VWA8: variants seen among roughly 807,000 people sequenced by gnomAD.
The protein encoded by VWA8 is von Willebrand factor A domain containing 8, also known as von Willebrand factor A domain-containing protein 8.
A neutral mutation model predicts 241.5 loss-of-function variants in VWA8; 221 were observed. The ratio of observed to expected loss-of-function variants is 0.91; its 90% CI spans 0.82 to 1.02. VWA8 has a LOEUF of 1.02. Ranked by LOEUF, VWA8 falls within the 50% of genes least tolerant of loss-of-function variation. VWA8 has a pLI of 0.00. For missense variants in VWA8, 2,322 were observed against 2,328.7 expected (o/e 1.00, Z 0.06); for synonymous variants, 852 against 827.1 (o/e 1.03, Z -0.52).
chr13:41,721,645 T>C (rs945553387), intron 24 of VWA8, 70 bp from the exon 25 acceptor site: 5 of 1,497,448 alleles, frequency 3.3e-6, no homozygotes, highest in African/African-American at 2.8e-5. Flanking sequence ...AAAAATGGAA[T>C]GGTTGTTTAA....
chr13:41,679,788 T>C (rs537230790), intron 35 of VWA8, among the ~76,000 whole-genome samples: 422 of 151,058 alleles, frequency 2.8e-3, no homozygotes, highest in Middle Eastern at 6.8e-3. Flanking sequence ...GAGATCTACA[T>C]GCACATAGAA....
At chr13:41,736,997 C>T (rs1229005938) in intron 21 of VWA8, among the ~76,000 whole-genome samples, 1 of 151,954 alleles carries the variant, frequency 6.6e-6, no homozygotes, top group Non-Finnish European at 1.5e-5. Context: ...GCATGCACCA[C>T]CACACTTGGC....
chr13:41,755,216 A>C (rs1303270294), intron 21 of VWA8, among the ~76,000 whole-genome samples: 1 of 152,048 alleles, frequency 6.6e-6, no homozygotes, highest in Non-Finnish European at 1.5e-5. Flanking sequence ...GTACTAATTT[A>C]CATTCCCACT....
chr13:41,905,678 G>C (rs1195565547), intron 4 of VWA8, among the ~76,000 whole-genome samples: 1 of 151,972 alleles, frequency 6.6e-6, no homozygotes, highest in African/African-American at 2.4e-5. Context: ...AGGAGTCCAA[G>C]TTGTTGTCTT....
chr13:41,918,079 T>C (rs9532947), intron 2 of VWA8, among the ~76,000 whole-genome samples: 123,693 of 152,182 alleles, frequency 0.81, 51,134 homozygotes, highest in East Asian at 1. Flanking sequence ...ACGAACTAAC[T>C]GAACTAAAAA....
At chr13:41,694,282 G>T (rs2045200324) in intron 29 of VWA8, among the ~76,000 whole-genome samples, 1 of 151,914 alleles carries the variant, frequency 6.6e-6, no homozygotes, top group South Asian at 2.1e-4. Context: ...AAGTGTTCAA[G>T]AATTAAAATA....
chr13:41,739,034 A>G (rs973269220), intron 21 of VWA8, among the ~76,000 whole-genome samples: 1 of 152,180 alleles, frequency 6.6e-6, no homozygotes, highest in Admixed American at 6.5e-5. Flanking sequence ...CCACTTTTTC[A>G]TGTTAGGACT....
At chr13:41,574,397 A>G (rs1429366188) in intron 43 of VWA8, among the ~76,000 whole-genome samples, 1 of 151,378 alleles carries the variant, frequency 6.6e-6, no homozygotes, top group Non-Finnish European at 1.5e-5. Flanking sequence ...GGAAAACTAC[A>G]AAACACTGAT....
intron 37 of VWA8, among the ~76,000 whole-genome samples, chr13:41,622,317 C>T (rs937699586): frequency 6.6e-6 from 1 of 152,156 alleles, no homozygotes; most frequent in South Asian, 2.1e-4. Context: ...CTGGGACAGC[C>T]ATGTGGTAGA....
chr13:41,814,372 TAAGAG>T (rs1200472634), intron 16 of VWA8, among the ~76,000 whole-genome samples: 2 of 152,168 alleles, frequency 1.3e-5, no homozygotes, highest in Admixed American at 6.5e-5. Context: ...GAGAGAGACT[TAAGAG>T]AAGAGAGAAA....
At chr13:41,642,253 T>C (rs982966032) in intron 37 of VWA8, among the ~76,000 whole-genome samples, 7 of 152,144 alleles carry the variant, frequency 4.6e-5, no homozygotes, top group Non-Finnish European at 7.4e-5. Flanking sequence ...TTTAAGACCA[T>C]GGTAACAGCA....
chr13:41,946,473 A>G (rs1877854345), intron 2 of VWA8, among the ~76,000 whole-genome samples: 1 of 152,168 alleles, frequency 6.6e-6, no homozygotes, highest in Non-Finnish European at 1.5e-5. Flanking sequence ...GTGCTGATAA[A>G]CTTTTAATGT....
intron 42 of VWA8, among the ~76,000 whole-genome samples, chr13:41,587,279 A>AT (rs898308098): frequency 3.3e-5 from 5 of 152,134 alleles, no homozygotes; most frequent in African/African-American, 7.2e-5. Flanking sequence ...TAAGCAGCTC[A>AT]TTTTTTTCTA....
intron 31 of VWA8, among the ~76,000 whole-genome samples, 156 bp downstream of exon 31, chr13:41,691,718 G>T (rs760770451): frequency 6.6e-6 from 1 of 152,008 alleles, no homozygotes; most frequent in South Asian, 2.1e-4. Flanking sequence ...TCTTATATCT[G>T]TTTCTCAATA....
At chr13:41,569,239 C>T (rs1352717827) in intron 44 of VWA8, among the ~76,000 whole-genome samples, 1 of 152,220 alleles carries the variant, frequency 6.6e-6, no homozygotes, top group African/African-American at 2.4e-5. Flanking sequence ...TATTATTGTG[C>T]TTTCTTAAGT....
intron 12 of VWA8, among the ~76,000 whole-genome samples, chr13:41,845,842 G>A (rs769249018): frequency 1.3e-5 from 2 of 152,178 alleles, no homozygotes; most frequent in African/African-American, 2.4e-5. Flanking sequence ...TGGGAGGGAA[G>A]AAGTGAAGGG....
intron 18 of VWA8, among the ~76,000 whole-genome samples, chr13:41,784,729 T>TATATACACAC (rs772522331): frequency 5.2e-4 from 31 of 60,092 alleles, no homozygotes; most frequent in African/African-American, 1.5e-3. Flanking sequence ...TATATATATA[T>TATATACACAC]ACACACACAT....
chr13:41,831,282 G>A (rs1297813837), intron 13 of VWA8, among the ~76,000 whole-genome samples: 1 of 152,098 alleles, frequency 6.6e-6, no homozygotes, highest in East Asian at 1.9e-4. Flanking sequence ...GGGAGGGGAT[G>A]CTGTGTAATG....
At chr13:41,715,040 C>G (rs1036347403) in intron 26 of VWA8, among the ~76,000 whole-genome samples, 1 of 151,794 alleles carries the variant, frequency 6.6e-6, no homozygotes, top group African/African-American at 2.4e-5. Flanking sequence ...CCCAGCTGTA[C>G]CCCTGCTTTC....
Sources: gnomAD v4.1 joint callset for allele counts (sites outside exome capture counted in the v4.1 genomes callset) on GRCh38, gnomAD v4.1.1 for gene constraint, MANE v1.5 for transcripts, NCBI Gene and HGNC (gene_info 2026-07-23, HGNC 2026-07-21) for gene names.